Variants in RNF121 observed in about 807,000 individuals in gnomAD.
The protein encoded by RNF121 is E3 ubiquitin ligase RNF121.
A neutral mutation model predicts 46.5 loss-of-function variants in RNF121; 21 were observed. The ratio of observed to expected loss-of-function variants is 0.45; its 90% CI spans 0.32 to 0.65. The LOEUF (loss-of-function observed/expected upper bound fraction) is 0.65, where lower values mean the gene tolerates loss of function less well. Among genes scored for constraint, RNF121 ranks in the 30% least tolerant of loss-of-function variants. The pLI is 0.04. For missense variants in RNF121, 346 were observed against 416.0 expected (o/e 0.83, Z 1.46); for synonymous variants, 139 against 144.7 (o/e 0.96, Z 0.28).
At chr11:71,968,995 C>T (rs1157927671) in intron 3 of RNF121, among the ~76,000 whole-genome samples, 1 of 150,904 alleles carries the variant, frequency 6.6e-6, no homozygotes, top group African/African-American at 2.4e-5. Flanking sequence ...AAGTGATTCT[C>T]CTGCCTCAGC....
At chr11:71,954,708 T>A (rs1953953563) in intron 1 of RNF121, among the ~76,000 whole-genome samples, 1 of 152,204 alleles carries the variant, frequency 6.6e-6, no homozygotes, top group South Asian at 2.1e-4. Context: ...TATTCCAGAT[T>A]TTCCTAGTTT....
rs544874572 is a variant in RNF121, at chr11:71,930,255, A to G, written c.63+1131A>G. ...GGAGGAAGGGGATTGGTTGTCAGAG[A>G]TAGAACCAGTGAGATCTCTGAGGGG... On this transcript the variant is annotated intron_variant, in intron 1 of 8. Transcript: ENST00000361756. Among the ~76,000 whole-genome samples, 90 of 152,322 alleles carry G rather than the reference A, an allele frequency of 5.9e-4. 1 individual carries two copies. The highest frequency in any genetic ancestry group is 2.7e-3 in the South Asian group (13 of 4,830).
intron 1 of RNF121, among the ~76,000 whole-genome samples, chr11:71,956,624 T>C (rs574851495): frequency 2.6e-5 from 4 of 152,396 alleles, no homozygotes; most frequent in South Asian, 4.1e-4. Flanking sequence ...GCCTAGCGGC[T>C]ACCATAGGGC....
intron 5 of RNF121, among the ~76,000 whole-genome samples, chr11:71,987,876 A>G (rs1327306166): frequency 1.3e-5 from 2 of 152,214 alleles, no homozygotes; most frequent in Non-Finnish European, 2.9e-5. Context: ...ATGAGATGAC[A>G]CAGATGGGTG....
rs551784359 is a variant in RNF121 at position 71,989,748 on chromosome 11, C to T, written c.507-849C>T. ...ATCTTTATCCTTCTTGTTAAATAGACTTGGACCAAAATTTAACTTTGATGA... is the reference window on the plus strand; with the variant it reads ...ATCTTTATCCTTCTTGTTAAATAGATTTGGACCAAAATTTAACTTTGATGA... On this transcript the variant is annotated intron_variant, in intron 5 of 8. Coordinates refer to ENST00000361756, the MANE Select transcript of RNF121 (RefSeq NM_018320.5). Among the ~76,000 whole-genome samples the T allele has an allele frequency of 9.9e-5, 15 of 152,230 alleles. No homozygotes were observed. In the South Asian group the frequency reaches 3.1e-3, roughly 32 times the overall value.
At chr11:71,974,835 A>AG (rs1346578160) in intron 3 of RNF121, among the ~76,000 whole-genome samples, 2 of 152,316 alleles carry the variant, frequency 1.3e-5, no homozygotes, top group East Asian at 3.9e-4. Context: ...GATGATTGGT[A>AG]GGCAGCTTAA....
chr11:71,989,373 C>T (rs966022643), intron 5 of RNF121, among the ~76,000 whole-genome samples: 4 of 152,164 alleles, frequency 2.6e-5, no homozygotes, highest in Admixed American at 6.5e-5. Flanking sequence ...TGAGCCACCA[C>T]GCCTGGCCTC....
In RNF121 at chr11:71,987,121, C is replaced by CTTTGTT; in HGVS notation, c.506+21_506+26dup. The CTTTGTT allele has an allele frequency of 6.4e-7, 1 of 1,565,760 alleles. No homozygotes were observed. The highest frequency in any genetic ancestry group is 1.7e-5 in the Admixed American group (1 of 59,918). Reference sequence around the variant, plus strand: ...TTAACTTATTATTCAAGTGAGTACCCTTTGTTTTTGTTTTTGCTGGAGTTT... The same window carrying CTTTGTT: ...TTAACTTATTATTCAAGTGAGTACCCTTTGTTTTTGTTTTTGTTTTTGCTGGAGTTT... On this transcript the variant is annotated intron_variant, in intron 5 of 8. Transcript: ENST00000361756.
intron 1 of RNF121, 60 bp downstream of exon 1, chr11:71,929,184 G>A (rs187537564): frequency 1.3e-6 from 2 of 1,522,088 alleles, no homozygotes; most frequent in African/African-American, 1.4e-5. Context: ...GGGGCAGTGA[G>A]GTATCGGGAG....
chr11:71,932,436 C>T (rs1197238706), intron 1 of RNF121, among the ~76,000 whole-genome samples: 1 of 152,246 alleles, frequency 6.6e-6, no homozygotes, highest in East Asian at 1.9e-4. Flanking sequence ...CTATACTGAG[C>T]ACCTGGGTTC....
chr11:71,959,871 C>T (rs968269763), intron 2 of RNF121, among the ~76,000 whole-genome samples: 1 of 152,088 alleles, frequency 6.6e-6, no homozygotes, highest in Admixed American at 6.5e-5. Context: ...CCTGACCTCA[C>T]GTGATCCTCC....
At chr11:71,961,830 T>C (rs1954140847) in intron 3 of RNF121, among the ~76,000 whole-genome samples, 1 of 152,176 alleles carries the variant, frequency 6.6e-6, no homozygotes, top group South Asian at 2.1e-4. Context: ...ATCCCACCTA[T>C]TGAGGAGGCT....
chr11:71,973,752 A>T (rs538377936), intron 3 of RNF121, among the ~76,000 whole-genome samples: 7 of 152,136 alleles, frequency 4.6e-5, no homozygotes, highest in Admixed American at 2.6e-4. Context: ...CTGCCACTGC[A>T]CTCTAGCCTG....
chr11:71,994,960 A>G (rs1954945232), intron 7 of RNF121, 108 bp downstream of exon 7: 3 of 1,445,478 alleles, frequency 2.1e-6, no homozygotes, highest in Non-Finnish European at 2.8e-6. Context: ...CAGACCCTTG[A>G]GTGTAGGAGA....
chr11:71,988,028 G>A (rs1038053508), intron 5 of RNF121, among the ~76,000 whole-genome samples: 21 of 152,176 alleles, frequency 1.4e-4, no homozygotes, highest in African/African-American at 4.8e-4. Context: ...AGATTTCTAA[G>A]GAAACAGTTC....
At chr11:71,989,878 CA>C (rs577174446) in intron 5 of RNF121, among the ~76,000 whole-genome samples, 200 of 152,222 alleles carry the variant, frequency 1.3e-3, no homozygotes, top group African/African-American at 4.4e-3. Flanking sequence ...CTGTGTTTGA[CA>C]AGCTGTTTCT....
At chr11:71,965,814 A>G (rs1224103380) in intron 3 of RNF121, among the ~76,000 whole-genome samples, 1 of 152,214 alleles carries the variant, frequency 6.6e-6, no homozygotes, top group African/African-American at 2.4e-5. Flanking sequence ...ACAATCCATC[A>G]ACACAGATTT....
chr11:71,956,787 T>C (rs1485298631), intron 1 of RNF121, among the ~76,000 whole-genome samples: 1 of 152,082 alleles, frequency 6.6e-6, no homozygotes, highest in Non-Finnish European at 1.5e-5. Context: ...ATTTCTCTTA[T>C]TTCTTCTTCT....
chr11:71,955,051 A>T (rs1001795248), intron 1 of RNF121, among the ~76,000 whole-genome samples: 1 of 152,176 alleles, frequency 6.6e-6, no homozygotes, highest in Admixed American at 6.5e-5. Context: ...TGTTCATGGG[A>T]TGGAAACAAA....
Sources: allele counts gnomAD v4.1 joint callset (sites outside exome capture counted in the v4.1 genomes callset), GRCh38; gene constraint gnomAD v4.1.1; transcripts MANE v1.5; gene names NCBI Gene and HGNC (gene_info 2026-07-23, HGNC 2026-07-21).